The following NBEA variants were observed in gnomAD, a reference collection of about 807,000 sequenced individuals.
The protein encoded by NBEA is lysosomal-trafficking regulator 2.
NBEA carries 44 observed loss-of-function variants against 343.4 expected under a neutral mutation model. That is an observed-to-expected ratio of 0.13 (90% confidence interval 0.10 to 0.16). NBEA has a LOEUF of 0.16. Among genes scored for constraint, NBEA ranks in the 10% least tolerant of loss-of-function variants. NBEA has a pLI of 1.00. For missense variants in NBEA, 2,555 were observed against 3,631.3 expected (o/e 0.70, Z 7.62); for synonymous variants, 1,175 against 1,238.7 (o/e 0.95, Z 1.08).
chr13:34,984,004 C>T (rs891894036), intron 1 of NBEA, among the ~76,000 whole-genome samples: 4 of 152,098 alleles, frequency 2.6e-5, no homozygotes, highest in Non-Finnish European at 5.9e-5. Flanking sequence ...TTTTGCTGTG[C>T]AGAAGCTCTT....
At chr13:35,415,745 A>C (rs1355300820) in intron 38 of NBEA, among the ~76,000 whole-genome samples, 1 of 152,146 alleles carries the variant, frequency 6.6e-6, no homozygotes, top group African/African-American at 2.4e-5. Flanking sequence ...ATGAACTTTA[A>C]AGTAGTTTTT....
intron 1 of NBEA, among the ~76,000 whole-genome samples, chr13:35,000,963 T>TTTG (rs201320486): frequency 1.9e-4 from 29 of 152,082 alleles, no homozygotes; most frequent in Middle Eastern, 3.4e-3. Flanking sequence ...TTGGTTTTTT[T>TTTG]TTGTTGTTGT....
At chr13:35,065,890 T>C (rs1354378047) in intron 8 of NBEA, among the ~76,000 whole-genome samples, 1 of 152,168 alleles carries the variant, frequency 6.6e-6, no homozygotes, top group African/African-American at 2.4e-5. Context: ...CTTTGTATTA[T>C]ATCTGTCTTC....
intron 35 of NBEA, among the ~76,000 whole-genome samples, chr13:35,308,754 G>A (rs1343444604): frequency 6.7e-5 from 10 of 148,988 alleles, no homozygotes; most frequent in Non-Finnish European, 1.3e-4. Context: ...GAAATCACTA[G>A]CATAAACCAA....
chr13:35,152,445 A>G (rs2152705095), intron 18 of NBEA, among the ~76,000 whole-genome samples: 1 of 152,320 alleles, frequency 6.6e-6, no homozygotes, highest in Non-Finnish European at 1.5e-5. Context: ...TAGATGCAAC[A>G]GCAGGGTTAA....
At chr13:35,383,134 G>A (rs750542805) in intron 38 of NBEA, among the ~76,000 whole-genome samples, 10 of 152,116 alleles carry the variant, frequency 6.6e-5, no homozygotes, top group African/African-American at 2.4e-4. Context: ...TCATGGAAGA[G>A]AAATTTAGAC....
At chr13:35,451,418 A>G (rs553200406) in intron 39 of NBEA, among the ~76,000 whole-genome samples, 5 of 152,282 alleles carry the variant, frequency 3.3e-5, no homozygotes, top group South Asian at 2.1e-4. Flanking sequence ...CACTGCGCCC[A>G]ACCAGCTTTT....
At chr13:35,421,533 A>G (rs2044270184) in intron 38 of NBEA, among the ~76,000 whole-genome samples, 1 of 152,084 alleles carries the variant, frequency 6.6e-6, no homozygotes, top group Non-Finnish European at 1.5e-5. Context: ...CAGTGTTACA[A>G]TTTTTGTTTC....
chr13:35,220,839 T>TTA (rs2074321513), intron 33 of NBEA, among the ~76,000 whole-genome samples: 1 of 152,178 alleles, frequency 6.6e-6, no homozygotes, highest in African/African-American at 2.4e-5. Flanking sequence ...CTGTTAGAGC[T>TTA]TATCTTACAT....
chr13:35,658,609 T>G (rs764734032), intron 55 of NBEA, among the ~76,000 whole-genome samples: 3 of 152,174 alleles, frequency 2.0e-5, no homozygotes, highest in Non-Finnish European at 4.4e-5. Context: ...ATACTGAGGA[T>G]GTCAAGTATT....
chr13:35,454,661 C>G (rs890498646), intron 40 of NBEA, among the ~76,000 whole-genome samples: 1 of 152,018 alleles, frequency 6.6e-6, no homozygotes, highest in African/African-American at 2.4e-5. Context: ...GAGATGAAGA[C>G]CATCCTGGCT....
chr13:35,098,604 A>C (rs955721060), intron 11 of NBEA, among the ~76,000 whole-genome samples, 199 bp downstream of exon 11: 4 of 152,112 alleles, frequency 2.6e-5, no homozygotes, highest in Non-Finnish European at 5.9e-5. Flanking sequence ...ATTTTGAATA[A>C]AAAAATCTAA....
intron 38 of NBEA, among the ~76,000 whole-genome samples, chr13:35,372,187 G>A (rs929147079): frequency 1.3e-5 from 2 of 152,116 alleles, no homozygotes; most frequent in African/African-American, 4.8e-5. Context: ...AGTGGGCGTG[G>A]TATGAGTGAT....
chr13:35,207,018 T>C (rs376484351), intron 31 of NBEA, among the ~76,000 whole-genome samples: 135 of 152,008 alleles, frequency 8.9e-4, no homozygotes, highest in African/African-American at 3.2e-3. Context: ...CCAACATGCT[T>C]AAAGAGAAAA....
At chr13:35,594,898 T>C (rs1280214085) in intron 47 of NBEA, among the ~76,000 whole-genome samples, 4 of 151,710 alleles carry the variant, frequency 2.6e-5, no homozygotes, top group Non-Finnish European at 4.4e-5. Flanking sequence ...ATCCATATTA[T>C]ATCAGCCTAT....
intron 1 of NBEA, among the ~76,000 whole-genome samples, chr13:35,003,818 A>C (rs949004237): frequency 6.6e-6 from 1 of 152,068 alleles, no homozygotes; most frequent in Non-Finnish European, 1.5e-5. Flanking sequence ...TATGTGCTGG[A>C]TGTGCAGGTT....
chr13:34,975,684 C>T (rs2060148209), intron 1 of NBEA, among the ~76,000 whole-genome samples: 3 of 151,782 alleles, frequency 2.0e-5, no homozygotes, highest in Non-Finnish European at 4.4e-5. Context: ...TCTATACATC[C>T]AACAAAGGAC....
chr13:35,637,828 G>GA (rs200193393), intron 49 of NBEA, among the ~76,000 whole-genome samples: 12,723 of 137,514 alleles, frequency 0.093, 691 homozygotes, highest in African/African-American at 0.16. Flanking sequence ...TCTCAAAAAA[G>GA]AAAAAAAAAA....
At chr13:35,060,703 A>G (rs1294536524) in intron 8 of NBEA, among the ~76,000 whole-genome samples, 2 of 136,338 alleles carry the variant, frequency 1.5e-5, no homozygotes, top group Non-Finnish European at 3.3e-5. Context: ...AAAATTTTTT[A>G]TATTAAAAAG....
Sources: gnomAD v4.1 joint callset for allele counts (sites outside exome capture counted in the v4.1 genomes callset) on GRCh38, gnomAD v4.1.1 for gene constraint, MANE v1.5 for transcripts, NCBI Gene and HGNC (gene_info 2026-07-23, HGNC 2026-07-21) for gene names.